Variants in FAM219A observed in about 807,000 individuals in gnomAD.
The protein encoded by FAM219A is protein FAM219A.
Under a neutral mutation model 23.4 loss-of-function variants are expected in FAM219A, and 7 were observed. The ratio of observed to expected loss-of-function variants is 0.30; its 90% confidence interval spans 0.17 to 0.56. The LOEUF is 0.56. Ranked by LOEUF, FAM219A falls within the 20% of genes least tolerant of loss-of-function variation. The pLI is 0.92. For synonymous variants in FAM219A, 93 were observed against 99.0 expected (o/e 0.94, Z 0.36); for missense variants, 166 against 246.9 (o/e 0.67, Z 2.20).
chr9:34,399,340 A>G lies in FAM219A; in HGVS notation c.*1624T>C, dbSNP rs885048. ...CCAGCCCCAGGGGTGGGCCTTCCTC[A>G]CCTCTTCCCTCTTGATTTTCAGTCT... is the stretch of plus-strand genomic sequence containing the variant. On this transcript the variant is annotated 3_prime_UTR_variant, in exon 6 of 6. Transcript: ENST00000651358. 18,983 of 151,820 alleles carry G rather than the reference A, an allele frequency of 0.13. 1,559 individuals carry two copies. The highest frequency in any genetic ancestry group is 0.18 in the Non-Finnish European group (12,204 of 68,008). 9.4% of individuals were successfully genotyped at this position (151,820 alleles called of 1,614,324 possible).
intron 1 of FAM219A, among the ~76,000 whole-genome samples, chr9:34,455,986 C>T (rs1823716554): frequency 6.6e-6 from 1 of 152,150 alleles, no homozygotes; most frequent in Non-Finnish European, 1.5e-5. Flanking sequence ...TGAGGTCAGG[C>T]ATTCAAGACC....
intron 1 of FAM219A, among the ~76,000 whole-genome samples, chr9:34,454,431 G>A (rs910124208): frequency 3.9e-5 from 6 of 152,162 alleles, no homozygotes; most frequent in East Asian, 3.9e-4. Context: ...GCGAGACTCC[G>A]TCTCAAAAGA....
intron 1 of FAM219A, among the ~76,000 whole-genome samples, chr9:34,423,435 T>A (rs555823542): frequency 6.6e-6 from 1 of 152,312 alleles, no homozygotes; most frequent in South Asian, 2.1e-4. Flanking sequence ...GTGGGAAAGA[T>A]GCACATGACT....
chr9:34,408,387 T>C lies in FAM219A; in HGVS notation c.61-2423A>G, dbSNP rs147176731. On this transcript the variant is annotated intron_variant, in intron 1 of 5. Coordinates refer to ENST00000651358, the MANE Select transcript of FAM219A (RefSeq NM_001184940.2). Reference sequence around the variant, plus strand: ...GGAGATGGGACAGCTGGGCTCTGGATTTCCTGTGAGCCCCAGAGACTGCTC... The same window carrying C: ...GGAGATGGGACAGCTGGGCTCTGGACTTCCTGTGAGCCCCAGAGACTGCTC... 1.4e-3 allele frequency among the ~76,000 whole-genome samples: 218 copies of C among 152,292 alleles called. 1 individual carries two copies. Among genetic ancestry groups the C allele is most frequent in the African/African-American group, 5.0e-3 (209 of 41,572 alleles).
intron 1 of FAM219A, among the ~76,000 whole-genome samples, chr9:34,439,802 C>T (rs1003968691): frequency 1.1e-4 from 17 of 152,056 alleles, no homozygotes; most frequent in African/African-American, 4.1e-4. Context: ...AAGGCAGGAG[C>T]CAGATCACAT....
rs368197579 is a variant in FAM219A, at chr9:34,420,052, C to T, written c.61-14088G>A. Reference sequence around the variant, plus strand: ...CTCAGCTCTCTAGCCAGAGCAGTCTCCTAGTCTTTCCTTTTTGTCATCCCA... The same window carrying T: ...CTCAGCTCTCTAGCCAGAGCAGTCTTCTAGTCTTTCCTTTTTGTCATCCCA... On this transcript the variant is annotated intron_variant, in intron 1 of 5. Transcript: ENST00000651358. Among the ~76,000 whole-genome samples the T allele has an allele frequency of 2.0e-5, 3 of 152,218 alleles. No homozygotes were observed. The East Asian group carries it at 5.8e-4, about 29-fold the overall frequency.
At chr9:34,442,700 A>C (rs912456069) in intron 1 of FAM219A, among the ~76,000 whole-genome samples, 13 of 151,892 alleles carry the variant, frequency 8.6e-5, no homozygotes, top group African/African-American at 2.9e-4. Flanking sequence ...AAAAAAACAA[A>C]AAAAAAGAGA....
intron 1 of FAM219A, among the ~76,000 whole-genome samples, chr9:34,439,225 G>T (rs1390199974): frequency 6.6e-6 from 1 of 152,226 alleles, no homozygotes; most frequent in African/African-American, 2.4e-5. Flanking sequence ...CTTTATTCTT[G>T]AAGTCAGTGA....
chr9:34,449,098 A>G (rs1463157485), intron 1 of FAM219A, among the ~76,000 whole-genome samples: 4 of 151,836 alleles, frequency 2.6e-5, no homozygotes, highest in Admixed American at 2.6e-4. Flanking sequence ...CTTTGGGAGG[A>G]CATGGCAGGT....
chr9:34,421,007 TGTGAGAGA>T (rs1175142043), intron 1 of FAM219A, among the ~76,000 whole-genome samples: 3 of 76,730 alleles, frequency 3.9e-5, no homozygotes, highest in Admixed American at 1.3e-4. Flanking sequence ...TGTGTGTGTG[TGTGAGAGA>T]GAGAGAGAGA....
rs939383548 is a variant in FAM219A at position 34,402,699 on chromosome 9, C to G, written c.263+6G>C. 2.3e-5 allele frequency: 37 copies of G among 1,613,842 alleles called. No individual in the cohort carries two copies. In the Admixed American group the frequency reaches 4.5e-4, roughly 20 times the overall value. On this transcript the variant is annotated splice_donor_region_variant and intron_variant, in intron 3 of 5. Transcript: ENST00000651358. The stretch of plus-strand genomic sequence containing the variant: ...AGGGTCCAGGTGGGGTAGGGAGGGC[C>G]TCTACCTTGTTCGGGCCATGACATT...
intron 1 of FAM219A, among the ~76,000 whole-genome samples, chr9:34,428,700 G>C (rs1312352039): frequency 6.6e-6 from 1 of 152,238 alleles, no homozygotes; most frequent in Non-Finnish European, 1.5e-5. Context: ...CTTTGCCCCT[G>C]AGAGCAGACT....
intron 1 of FAM219A, among the ~76,000 whole-genome samples, chr9:34,413,024 G>C (rs1315049125): frequency 6.6e-6 from 1 of 152,164 alleles, no homozygotes; most frequent in African/African-American, 2.4e-5. Context: ...TACCAGACCT[G>C]TCCTAGACTG....
intron 1 of FAM219A, among the ~76,000 whole-genome samples, chr9:34,437,082 C>T (rs1240862002): frequency 6.6e-6 from 1 of 152,178 alleles, no homozygotes; most frequent in African/African-American, 2.4e-5. Context: ...CAGCAAGAGG[C>T]GTTGCCCTCT....
At chr9:34,454,720 C>T (rs951525813) in intron 1 of FAM219A, among the ~76,000 whole-genome samples, 1 of 152,220 alleles carries the variant, frequency 6.6e-6, no homozygotes, top group African/African-American at 2.4e-5. Flanking sequence ...CCCAGATCTG[C>T]TGGCTGCCTT....
At chr9:34,422,432 C>G (rs1467752500) in intron 1 of FAM219A, among the ~76,000 whole-genome samples, 3 of 152,236 alleles carry the variant, frequency 2.0e-5, no homozygotes, top group Non-Finnish European at 4.4e-5. Context: ...AGCCCCTTCT[C>G]AGAGACTTAG....
In FAM219A at chr9:34,437,990, G is replaced by C. The variant is rs1197864503; in HGVS notation, c.60+20214C>G. 2.0e-5 allele frequency among the ~76,000 whole-genome samples: 3 copies of C among 152,352 alleles called. No homozygotes were observed. The South Asian group carries it at 6.2e-4, about 32-fold the overall frequency. ...GCGGGCCACCTGGAGTTCCGAGTGGGCGTGGGCTTGGCGGGCCCCGCACTC... is the reference window on the plus strand; with the variant it reads ...GCGGGCCACCTGGAGTTCCGAGTGGCCGTGGGCTTGGCGGGCCCCGCACTC... On this transcript the variant is annotated intron_variant, in intron 1 of 5. Transcript: ENST00000651358.
intron 4 of FAM219A, 119 bp downstream of exon 4, chr9:34,402,268 G>C: frequency 6.2e-7 from 1 of 1,613,828 alleles, no homozygotes; most frequent in Non-Finnish European, 8.5e-7. Flanking sequence ...CACCCTTGGA[G>C]AGATTCTGGC....
Position 34,402,120 on chromosome 9 carries a change from C to T in FAM219A, c.344+267G>A, listed in dbSNP as rs144949698. The stretch of plus-strand genomic sequence containing the variant: ...ATATTCTGCTGTCCAGAGACAACAT[C>T]ACAGGCCAATTAGGGACAACCATTG... On this transcript the variant is annotated intron_variant, in intron 4 of 5. Transcript: ENST00000651358. 9.3e-4 allele frequency: 1,327 copies of T among 1,432,376 alleles called. 15 individuals carry two copies. The African/African-American group carries it at 0.017, about 18-fold the overall frequency. The allele number at this position is 1,432,376 out of a possible 1,614,324, so 88.7% of individuals were successfully genotyped here. A position where few individuals can be genotyped will look rare whatever the true frequency, so the allele number is the denominator to read the frequency against.
Sources: gnomAD v4.1 joint callset for allele counts (sites outside exome capture counted in the v4.1 genomes callset) on GRCh38, gnomAD v4.1.1 for gene constraint, MANE v1.5 for transcripts, NCBI Gene and HGNC (gene_info 2026-07-23, HGNC 2026-07-21) for gene names.